The following SYN2 variants were observed in gnomAD, a reference collection of about 807,000 sequenced individuals.
The protein encoded by SYN2 is synapsin II.
Under a neutral mutation model 50.9 loss-of-function variants are expected in SYN2, and 19 were observed. The observed-to-expected ratio is 0.37, with a 90% CI of 0.26 to 0.55. The LOEUF is 0.55. SYN2 is among the 20% of genes least tolerant of loss of function. The pLI, the probability that SYN2 is intolerant of heterozygous loss-of-function variation, is 0.81. For missense variants in SYN2, 587 were observed against 576.4 expected, an observed-to-expected ratio of 1.02 and a Z score of -0.19; for synonymous variants, 255 against 224.9, an observed-to-expected ratio of 1.13 and a Z score of -1.20.
At chr3:12,099,034 C>T (rs924574013) in intron 1 of SYN2, among the ~76,000 whole-genome samples, 5 of 151,758 alleles carry the variant, frequency 3.3e-5, no homozygotes, top group African/African-American at 7.3e-5. Flanking sequence ...TGATCATATA[C>T]GCACCTAATA....
intron 7 of SYN2, among the ~76,000 whole-genome samples, 183 bp from the exon 8 acceptor site, chr3:12,167,051 G>A (rs1197596754): frequency 1.3e-5 from 2 of 152,232 alleles, no homozygotes; most frequent in Admixed American, 1.3e-4. Flanking sequence ...GAGGAGGAGG[G>A]CATTGCAGGT....
intron 1 of SYN2, among the ~76,000 whole-genome samples, chr3:12,024,540 A>G (rs534990555): frequency 6.6e-6 from 1 of 152,330 alleles, no homozygotes; most frequent in South Asian, 2.1e-4. Flanking sequence ...ATCCTACAGT[A>G]GAAACTCTTT....
At position 12,151,266 on chromosome 3, in the gene SYN2, A is replaced by G; in HGVS notation, c.714A>G (p.Thr238=). 1 of 1,613,352 alleles carries G rather than the reference A, an allele frequency of 6.2e-7. No individual in the cohort carries two copies. The highest frequency in any genetic ancestry group is 8.5e-7 in the Non-Finnish European group (1 of 1,179,740). Residue 238 remains threonine (T), a synonymous_variant, in exon 5 of 13, where the codon ACA becomes ACG. Coordinates refer to ENST00000621198, the MANE Select transcript of SYN2 (RefSeq NM_133625.6). The part of the protein sequence containing the change: ...VFAQLVAIYK[T]LGGEKFPLIE... ...CCCAGCTGGTCGCTATCTATAAGAC[A>G]CTGGGAGGAGAAAAGTTCCCTCTCA...
chr3:12,082,734 C>G (rs1695609729), intron 1 of SYN2, among the ~76,000 whole-genome samples: 1 of 151,978 alleles, frequency 6.6e-6, no homozygotes, highest in South Asian at 2.1e-4. Flanking sequence ...ATTATAGTTT[C>G]TTTTTTTAAA....
At chr3:12,020,151 C>T (rs1694103190) in intron 1 of SYN2, among the ~76,000 whole-genome samples, 1 of 152,170 alleles carries the variant, frequency 6.6e-6, no homozygotes, top group African/African-American at 2.4e-5. Context: ...TCTGAGTTGT[C>T]AGGAAAGAGG....
intron 1 of SYN2, among the ~76,000 whole-genome samples, chr3:12,090,080 A>C (rs79131068): frequency 1.1e-3 from 174 of 152,308 alleles, no homozygotes; most frequent in African/African-American, 3.9e-3. Context: ...TAGATATCTG[A>C]CTTGGCCTCC....
At chr3:12,154,231 C>T (rs767287805) in intron 5 of SYN2, 105 of 1,555,556 alleles carry the variant, frequency 6.8e-5, no homozygotes, top group Non-Finnish European at 8.8e-5. Context: ...GTGCAGATCT[C>T]AAGTATAGTC....
rs543732012 is a variant in SYN2, at chr3:12,016,399, G to C, written c.377+11471G>C. ...TTATAGAATATATGCTTTCAGTCTT[G>C]TAGGACTTATAGAGAATCTCAAGGA... is the stretch of plus-strand genomic sequence containing the variant. On this transcript the variant is annotated intron_variant, in intron 1 of 12. Coordinates refer to ENST00000621198, the MANE Select transcript of SYN2 (RefSeq NM_133625.6). Among the ~76,000 whole-genome samples the C allele has an allele frequency of 7.2e-5, 11 of 152,322 alleles. No homozygotes were observed. In the South Asian group the frequency reaches 2.3e-3, roughly 32 times the overall value.
At chr3:12,024,565 T>C (rs553112940) in intron 1 of SYN2, among the ~76,000 whole-genome samples, 1 of 152,356 alleles carries the variant, frequency 6.6e-6, no homozygotes, top group South Asian at 2.1e-4. Flanking sequence ...GTCTGGTTTC[T>C]TTTGTTTAAC....
chr3:12,044,179 T>TCACACA (rs1436934204), intron 1 of SYN2, among the ~76,000 whole-genome samples: 5 of 60,894 alleles, frequency 8.2e-5, no homozygotes, highest in South Asian at 1.2e-3. Context: ...TCTCTCTCTC[T>TCACACA]CTCACACACA....
intron 1 of SYN2, among the ~76,000 whole-genome samples, chr3:12,019,734 A>T (rs544470226): frequency 6.6e-6 from 1 of 152,368 alleles, no homozygotes; most frequent in African/African-American, 2.4e-5. Context: ...TTTGACTTGT[A>T]TGTACCATTG....
At chr3:12,041,200 C>T (rs1255904199) in intron 1 of SYN2, among the ~76,000 whole-genome samples, 1 of 152,174 alleles carries the variant, frequency 6.6e-6, no homozygotes, top group Non-Finnish European at 1.5e-5. Context: ...GGTATCCCTA[C>T]TTCTACTCTA....
chr3:12,066,355 A>G (rs1695217889), intron 1 of SYN2, among the ~76,000 whole-genome samples: 1 of 152,184 alleles, frequency 6.6e-6, no homozygotes, highest in South Asian at 2.1e-4. Flanking sequence ...AAAAAATGAA[A>G]GCAGCTGTTT....
intron 1 of SYN2, among the ~76,000 whole-genome samples, chr3:12,091,130 G>A (rs184717861): frequency 6.8e-4 from 103 of 152,262 alleles, no homozygotes; most frequent in African/African-American, 1.7e-3. Flanking sequence ...TTTGCTTTCA[G>A]AGGTGGGATT....
chr3:12,121,112 C>G (rs574297834), intron 1 of SYN2, among the ~76,000 whole-genome samples: 1 of 152,336 alleles, frequency 6.6e-6, no homozygotes, highest in African/African-American at 2.4e-5. Flanking sequence ...CTTTACTTCA[C>G]TTTTGCCTGG....
At chr3:12,012,372 G>A (rs1384123669) in intron 1 of SYN2, among the ~76,000 whole-genome samples, 1 of 152,306 alleles carries the variant, frequency 6.6e-6, no homozygotes, top group East Asian at 1.9e-4. Context: ...GGTAGTGCTT[G>A]TATTTGTTTC....
At chr3:12,131,553 G>T (rs1338458439) in intron 1 of SYN2, among the ~76,000 whole-genome samples, 1 of 152,078 alleles carries the variant, frequency 6.6e-6, no homozygotes, top group Non-Finnish European at 1.5e-5. Context: ...AAGAAAATCT[G>T]TCCCATGACT....
At chr3:12,158,868 T>C (rs1487581036) in intron 5 of SYN2, 2 of 1,534,562 alleles carry the variant, frequency 1.3e-6, no homozygotes, top group Non-Finnish European at 1.7e-6. Context: ...ACTGAGCCTG[T>C]GAGGTCTGGG....
chr3:12,103,501 A>G (rs1446983652), intron 1 of SYN2, among the ~76,000 whole-genome samples: 3 of 152,208 alleles, frequency 2.0e-5, no homozygotes, highest in African/African-American at 7.2e-5. Flanking sequence ...CTTGCATCTC[A>G]GTAGCATTGT....
Sources: allele counts gnomAD v4.1 joint callset (sites outside exome capture counted in the v4.1 genomes callset), GRCh38; gene constraint gnomAD v4.1.1; transcripts MANE v1.5; gene names NCBI Gene and HGNC (gene_info 2026-07-23, HGNC 2026-07-21).